BICRA: variants seen among roughly 807,000 people sequenced by gnomAD.
BICRA encodes the protein BRD4 interacting chromatin remodeling complex associated protein.
A neutral mutation model predicts 96.9 loss-of-function variants in BICRA; 31 were observed. The ratio of observed to expected loss-of-function variants is 0.32; its 90% CI spans 0.24 to 0.43. The LOEUF (loss-of-function observed/expected upper bound fraction) is 0.43. Among genes scored for constraint, BICRA ranks in the 20% least tolerant of loss-of-function variants. BICRA has a pLI of 1.00. For missense variants in BICRA, 2,283 were observed against 2,190.3 expected (o/e 1.04, Z -0.84); for synonymous variants, 1,350 against 1,071.8 (o/e 1.26, Z -5.07).
chr19:47,680,508 C>T lies in BICRA; in HGVS notation c.1338C>T (p.Pro446=). The change falls in exon 6 of 15, where the codon CCC becomes CCT. Residue 446 remains proline (P), a synonymous_variant. Transcript: ENST00000594866. ...AGCCCCCCGGGGCCCTGAGCAAACCCATGAGCGTCCACCTCCTGAACCAAG... is the reference window on the plus strand; with the variant it reads ...AGCCCCCCGGGGCCCTGAGCAAACCTATGAGCGTCCACCTCCTGAACCAAG... ...PPQPPGALSK[P]MSVHLLNQGS... 1.3e-6 allele frequency: 2 copies of T among 1,543,682 alleles called. No homozygotes were observed. Among genetic ancestry groups the T allele is most frequent in the Non-Finnish European group, 1.7e-6 (2 of 1,144,986 alleles).
rs192770493 is a variant in BICRA at position 47,614,262 on chromosome 19, G to C, written c.-108+5094G>C. Among the ~76,000 whole-genome samples, 204 of 152,268 alleles carry C rather than the reference G, an allele frequency of 1.3e-3. 2 individuals are homozygous for C. The East Asian group carries it at 0.032, about 24-fold the overall frequency. On this transcript the variant is annotated intron_variant, in intron 1 of 14. Coordinates refer to ENST00000594866, the MANE Select transcript of BICRA (RefSeq NM_001394372.1). The stretch of plus-strand genomic sequence containing the variant: ...CCTGGTCCCCTAGCTCTCTTCCCCA[G>C]AGACAGCACCTCCATTCTGATGTTC...
chr19:47,679,963 T>C lies in BICRA; in HGVS notation c.793T>C (p.Ser265Pro). 6.7e-7 allele frequency: 1 copy of C among 1,490,352 alleles called. No homozygotes were observed. The highest frequency in any genetic ancestry group is 8.9e-7 in the Non-Finnish European group (1 of 1,127,288). 92.3% of individuals were successfully genotyped at this position (1,490,352 alleles called of 1,614,324 possible). A position where few individuals can be genotyped will look rare whatever the true frequency, so the allele number is the denominator to read the frequency against. ...GGTGCCCGTCAGCGGCTACCTGGCC[T>C]CGGCGGCTGGCCCCTCGGAGCCCGT... ...KQVPVSGYLA[S>P]AAGPSEPVTL... The change falls in exon 6 of 15, where the codon TCG (serine) becomes CCG (proline). Residue 265 changes from serine (S) to proline (P), a missense_variant. Ser to Pro is a moderately conservative substitution (Grantham distance 74). Transcript: ENST00000594866.
At chr19:47,615,990 C>T (rs565638620) in intron 1 of BICRA, 1 of 152,384 alleles carries the variant, frequency 6.6e-6, no homozygotes, top group African/African-American at 2.4e-5. Context: ...GCTGACTCCT[C>T]CGCTCTGAAA....
chr19:47,685,762 TGTGTGTGTGTGTGTGTGTGTGTGTGCGC>T (rs1568573121), intron 7 of BICRA, among the ~76,000 whole-genome samples: 1 of 129,888 alleles, frequency 7.7e-6, no homozygotes, highest in African/African-American at 3.1e-5. Flanking sequence ...TGTGTGTGTG[TGTGTGTGTGTGTGTGTGTGTGTGTGCGC>T]GCGCGCGCGC....
At position 47,682,156 on chromosome 19, in the gene BICRA, GA is replaced by G; in HGVS notation, c.2283+5del. ...TTCCCCGGCTCCGGCCCCCCAGGTAGAGGGACCCCAGCAGCCTGTGTCCGCA... is the reference window on the plus strand; with the variant it reads ...TTCCCCGGCTCCGGCCCCCCAGGTAGGGGACCCCAGCAGCCTGTGTCCGCA... On this transcript the variant is annotated splice_donor_5th_base_variant and intron_variant, in intron 7 of 14. Coordinates refer to ENST00000594866, the MANE Select transcript of BICRA (RefSeq NM_001394372.1). 1 of 1,383,690 alleles carries G rather than the reference GA, an allele frequency of 7.2e-7. No homozygotes were observed. Among genetic ancestry groups the G allele is most frequent in the Non-Finnish European group, 9.9e-7 (1 of 1,012,214 alleles). The allele number at this position is 1,383,690 out of a possible 1,614,324, so 85.7% of individuals were successfully genotyped here.
At chr19:47,627,507 AC>A (rs1275710237) in intron 1 of BICRA, among the ~76,000 whole-genome samples, 2 of 151,844 alleles carry the variant, frequency 1.3e-5, no homozygotes, top group Non-Finnish European at 2.9e-5. Flanking sequence ...ATGATGTGGG[AC>A]CCCCCAGCAA....
intron 5 of BICRA, 41 bp from the exon 6 acceptor site, chr19:47,679,280 C>G: frequency 7.1e-7 from 1 of 1,399,684 alleles, no homozygotes; most frequent in East Asian, 2.8e-5. Flanking sequence ...TAGCCCCTTG[C>G]TAACCTCAGC....
intron 1 of BICRA, among the ~76,000 whole-genome samples, chr19:47,609,812 A>G (rs879745813): frequency 2.6e-5 from 4 of 151,346 alleles, no homozygotes; most frequent in African/African-American, 9.7e-5. Flanking sequence ...CTGGGGAGGG[A>G]TGGATGGGGA....
chr19:47,679,741 G>T lies in BICRA; in HGVS notation c.571G>T (p.Ala191Ser), dbSNP rs904925486. 1 of 1,535,390 alleles carries T rather than the reference G, an allele frequency of 6.5e-7. No homozygotes were observed. The highest frequency in any genetic ancestry group is 2.5e-5 in the East Asian group (1 of 40,454). ...LVPPQDVVNK[A>S]LSVQPFLQPV... ...GCCGCCCCAGGACGTGGTCAACAAG[G>T]CCCTGAGTGTGCAGCCCTTCCTGCA... Residue 191 changes from alanine (A) to serine (S), a missense_variant, in exon 6 of 15, where the codon GCC becomes TCC. By Grantham distance (99) the Ala-to-Ser change is moderately conservative. Transcript: ENST00000594866.
intron 1 of BICRA, among the ~76,000 whole-genome samples, chr19:47,637,608 A>C (rs1460744536): frequency 6.6e-6 from 1 of 152,170 alleles, no homozygotes; most frequent in Non-Finnish European, 1.5e-5. Flanking sequence ...GTATCTCCAC[A>C]GAGTTGTGCA....
intron 9 of BICRA, 106 bp downstream of exon 9, chr19:47,695,186 G>A: frequency 1.2e-6 from 1 of 847,482 alleles, no homozygotes; most frequent in Non-Finnish European, 1.8e-6. Context: ...ACTCAGCACA[G>A]GGCATCAGCC....
chr19:47,613,375 G>A (rs994871951), intron 1 of BICRA, among the ~76,000 whole-genome samples: 7 of 152,292 alleles, frequency 4.6e-5, no homozygotes, highest in Non-Finnish European at 1.0e-4. Flanking sequence ...TTGGAAACAG[G>A]AAAACATGGC....
Position 47,680,627 on chromosome 19 carries a change from T to G in BICRA, c.1457T>G (p.Leu486Arg). 2 of 1,609,958 alleles carry G rather than the reference T, an allele frequency of 1.2e-6. No individual in the cohort carries two copies. Among genetic ancestry groups the G allele is most frequent in the Non-Finnish European group, 1.7e-6 (2 of 1,178,536 alleles). The change falls in exon 6 of 15, where the codon CTC (leucine) becomes CGC (arginine). Residue 486 changes from leucine to arginine, a missense_variant. Physicochemically the swap from Leu to Arg is moderately radical, Grantham distance 102. Transcript: ENST00000594866. ...CCGGCGGTCCAGCTCCCGCAGCAGC[T>G]CTCAGCCCTGCCGGCCAACGTGGGC... ...GAPAVQLPQQ[L>R]SALPANVGGQ...
intron 1 of BICRA, among the ~76,000 whole-genome samples, chr19:47,641,017 A>T (rs1259674492): frequency 6.9e-6 from 1 of 145,862 alleles, no homozygotes; most frequent in African/African-American, 2.6e-5. Flanking sequence ...CTCCTACCTC[A>T]GCCTCCTGAG....
intron 1 of BICRA, among the ~76,000 whole-genome samples, chr19:47,634,660 C>A (rs927669268): frequency 6.6e-6 from 1 of 151,994 alleles, no homozygotes; most frequent in Non-Finnish European, 1.5e-5. Context: ...TCTCAGTAAA[C>A]GGCACCATCT....
At chr19:47,695,342 T>TCGGGGCCCCCCCCCCCCCCCCCC in intron 9 of BICRA, 23 bp from the exon 10 acceptor site, 2 of 630,148 alleles carry the variant, frequency 3.2e-6, no homozygotes, top group Non-Finnish European at 2.8e-6. Flanking sequence ...AGGCCCTGTC[T>TCGGGGCCCCCCCCCCCCCCCCCC]CCCCCACCCC....
rs1973294077 is a variant in BICRA, at chr19:47,694,387, T to C, written c.2556T>C (p.Pro852=). 2.0e-6 allele frequency: 2 copies of C among 991,436 alleles called. No individual in the cohort carries two copies. Among genetic ancestry groups the C allele is most frequent in the Non-Finnish European group, 1.4e-6 (1 of 695,126 alleles). The allele number at this position is 991,436 out of a possible 1,614,324, so 61.4% of individuals were successfully genotyped here. Residue 852 remains proline, a synonymous_variant, in exon 8 of 15, where the codon CCT becomes CCC. Coordinates refer to ENST00000594866, the MANE Select transcript of BICRA (RefSeq NM_001394372.1). ...GVPPPASNPA[P]TAPGPPQPPL... is the part of the protein sequence containing the mutation. The stretch of plus-strand genomic sequence containing the variant: ...CCCCGCCTGCCAGCAACCCGGCCCC[T>C]ACTGCCCCAGGCCCGCCGCAGCCGC...
intron 1 of BICRA, among the ~76,000 whole-genome samples, chr19:47,665,196 A>C (rs1193102526): frequency 6.6e-6 from 1 of 152,124 alleles, no homozygotes; most frequent in East Asian, 1.9e-4. Flanking sequence ...AGCACCCCCC[A>C]CCAGACACAC....
Position 47,694,928 on chromosome 19 carries a change from AGGCTGG to A in BICRA, c.2927_2932del (p.Ala976_Gly977del), listed in dbSNP as rs1453856258. The stretch of plus-strand genomic sequence containing the variant: ...CCGTCCGGAATCATCCTCCAGAACA[AGGCTGG>A]GGGGGCCCCTGCCGCCCCGCAGACC... On this transcript the variant is annotated inframe_deletion, in exon 9 of 15. Coordinates refer to ENST00000594866, the MANE Select transcript of BICRA (RefSeq NM_001394372.1). 3 of 1,526,360 alleles carry A rather than the reference AGGCTGG, an allele frequency of 2.0e-6. No individual in the cohort carries two copies. Among genetic ancestry groups the A allele is most frequent in the Non-Finnish European group, 2.6e-6 (3 of 1,145,462 alleles). 94.6% of individuals were successfully genotyped at this position (1,526,360 alleles called of 1,614,324 possible). A position where few individuals can be genotyped will look rare whatever the true frequency, so the allele number is the denominator to read the frequency against.
Sources: allele counts gnomAD v4.1 joint callset (sites outside exome capture counted in the v4.1 genomes callset), GRCh38; gene constraint gnomAD v4.1.1; transcripts MANE v1.5; gene names NCBI Gene and HGNC (gene_info 2026-07-23, HGNC 2026-07-21).